Variants in ZNF729 observed in about 807,000 individuals in gnomAD.
The protein encoded by ZNF729 is zinc finger protein 729.
ZNF729 carries 15 observed loss-of-function variants against 12.2 expected under a neutral mutation model. That is an observed-to-expected ratio of 1.23 (90% CI 0.82 to 1.89). The LOEUF is 1.89. Ranked by LOEUF, ZNF729 falls within the 40% of genes most tolerant of loss-of-function variation. The pLI is 0.00. For missense variants in ZNF729, 1,540 were observed against 1,456.7 expected (o/e 1.06, Z -0.93); for synonymous variants, 492 against 476.3 (o/e 1.03, Z -0.43).
chr19:22,290,985 C>T (rs533023125), intron 1 of ZNF729, among the ~76,000 whole-genome samples: 10 of 152,168 alleles, frequency 6.6e-5, no homozygotes, highest in South Asian at 6.2e-4. Flanking sequence ...AGTTTTTAAA[C>T]GGTAGCTCAG....
rs115960950 is a variant in ZNF729 at position 22,292,246 on chromosome 19, C to G, written c.30+5691C>G. 1.5e-3 allele frequency among the ~76,000 whole-genome samples: 232 copies of G among 152,144 alleles called. 1 individual carries two copies. The highest frequency in any genetic ancestry group is 5.3e-3 in the African/African-American group (221 of 41,510). On this transcript the variant is annotated intron_variant, in intron 1 of 3. Coordinates refer to ENST00000601693, the MANE Select transcript of ZNF729 (RefSeq NM_001242680.2). Reference sequence around the variant, plus strand: ...GTGTCTGTTGTTCCCCTCTTTGTGTCCATGTGTTATTATTTAGCTCTTACT... The same window carrying G: ...GTGTCTGTTGTTCCCCTCTTTGTGTGCATGTGTTATTATTTAGCTCTTACT...
rs1354436807 is a variant in ZNF729 at position 22,286,445 on chromosome 19, T to C, written c.-81T>C. On this transcript the variant is annotated 5_prime_UTR_variant, in exon 1 of 4. Coordinates refer to ENST00000601693, the MANE Select transcript of ZNF729 (RefSeq NM_001242680.2). Reference sequence around the variant, plus strand: ...CCGTTGTTTCTGGTTGCAGCCGCAGTTCCCGGTCTCGCCTTCACTGCTGTG... The same window carrying C: ...CCGTTGTTTCTGGTTGCAGCCGCAGCTCCCGGTCTCGCCTTCACTGCTGTG... 1.9e-6 allele frequency: 3 copies of C among 1,567,254 alleles called. No individual in the cohort carries two copies. The highest frequency in any genetic ancestry group is 2.6e-6 in the Non-Finnish European group (3 of 1,152,046).
intron 2 of ZNF729, 150 bp downstream of exon 2, chr19:22,304,034 AAT>A: frequency 1.7e-6 from 1 of 584,956 alleles, no homozygotes; most frequent in Non-Finnish European, 2.4e-6. Flanking sequence ...TGTAGAAAGG[AAT>A]TTTTTTTTTT....
At position 22,286,491 on chromosome 19, in the gene ZNF729, C is replaced by T; in HGVS notation, c.-35C>T. The T allele has an allele frequency of 6.2e-7, 1 of 1,612,750 alleles. No homozygotes were observed. Among genetic ancestry groups the T allele is most frequent in the Non-Finnish European group, 8.5e-7 (1 of 1,179,878 alleles). On this transcript the variant is annotated 5_prime_UTR_variant, in exon 1 of 4. Transcript: ENST00000601693. ...CTGTGTGTCCTCAGCCTCTGTGGCCCTGTAACCTGCGGCATTGGAAGATCC... is the reference window on the plus strand; with the variant it reads ...CTGTGTGTCCTCAGCCTCTGTGGCCTTGTAACCTGCGGCATTGGAAGATCC...
intron 1 of ZNF729, chr19:22,299,805 G>A (rs866788621): frequency 6.6e-6 from 1 of 152,190 alleles, no homozygotes; most frequent in Non-Finnish European, 1.5e-5. Flanking sequence ...ATGTAAAGGT[G>A]CAGTTCTCCC....
Position 22,312,294 on chromosome 19 carries a change from C to T in ZNF729, c.254-1377C>T, listed in dbSNP as rs548554002. On this transcript the variant is annotated intron_variant, in intron 3 of 3. Transcript: ENST00000601693. ...CCTAATATTCTATATACATTGTAAT[C>T]GTTGATTAAAATTTGTACATCAAAA... 5.3e-5 allele frequency among the ~76,000 whole-genome samples: 8 copies of T among 151,920 alleles called. No homozygotes were observed. The South Asian group carries it at 6.2e-4, about 12-fold the overall frequency.
At chr19:22,293,492 C>CTTTTTTTTTTTT (rs1181519048) in intron 1 of ZNF729, among the ~76,000 whole-genome samples, 9 of 50,028 alleles carry the variant, frequency 1.8e-4, no homozygotes, top group African/African-American at 9.5e-4. Flanking sequence ...AGCCTTTTGT[C>CTTTTTTTTTTTT]TATTTTTTTT....
At position 22,315,408 on chromosome 19, in the gene ZNF729, C is replaced by G. The variant is rs768801472; in HGVS notation, c.1991C>G (p.Ala664Gly). The part of the protein sequence containing the change: ...KPYKCEECGK[A>G]FSHFSALRRH... ...TACAAATGTGAAGAATGTGGCAAAG[C>G]TTTTAGCCATTTCTCAGCCCTTAGA... The change falls in exon 4 of 4, where the codon GCT (alanine) becomes GGT (glycine). Residue 664 changes from alanine (A) to glycine (G), a missense_variant. Transcript: ENST00000601693. 1.2e-6 allele frequency: 2 copies of G among 1,613,232 alleles called. No homozygotes were observed. Among genetic ancestry groups the G allele is most frequent in the African/African-American group, 1.3e-5 (1 of 74,918 alleles).
chr19:22,291,583 G>C (rs1568570440), intron 1 of ZNF729, among the ~76,000 whole-genome samples: 1 of 152,036 alleles, frequency 6.6e-6, no homozygotes, highest in Admixed American at 6.6e-5. Context: ...CACCAACCTG[G>C]GGTTCTGGAC....
chr19:22,315,610 G>A lies in ZNF729; in HGVS notation c.2193G>A (p.Lys731=). The A allele has an allele frequency of 1.2e-6, 2 of 1,608,610 alleles. No homozygotes were observed. The highest frequency in any genetic ancestry group is 1.7e-6 in the Non-Finnish European group (2 of 1,178,982). The change falls in exon 4 of 4, where the codon AAG becomes AAA. Residue 731 remains lysine, a synonymous_variant. Coordinates refer to ENST00000601693, the MANE Select transcript of ZNF729 (RefSeq NM_001242680.2). ...FKWSSKLTVH[K]VIHTAEKPCK... ...GGTCATCAAAACTTACTGTACATAA[G>A]GTAATTCATACTGCAGAGAAACCCT... is the stretch of plus-strand genomic sequence containing the variant.
intron 3 of ZNF729, among the ~76,000 whole-genome samples, chr19:22,311,108 G>T (rs1265254939): frequency 6.6e-6 from 1 of 151,886 alleles, no homozygotes; most frequent in Non-Finnish European, 1.5e-5. Flanking sequence ...CTTATGGTCT[G>T]TCAATTGTAT....
rs768352338 is a variant in ZNF729 at position 22,315,597 on chromosome 19, T to G, written c.2180T>G (p.Leu727Arg). The G allele has an allele frequency of 6.2e-7, 1 of 1,608,978 alleles. No individual in the cohort carries two copies. The highest frequency in any genetic ancestry group is 2.2e-5 in the East Asian group (1 of 44,780). ...CGKAFKWSSK[L>R]TVHKVIHTAE... The stretch of plus-strand genomic sequence containing the variant: ...AAAGCTTTTAAGTGGTCATCAAAAC[T>G]TACTGTACATAAGGTAATTCATACT... The change falls in exon 4 of 4, where the codon CTT becomes CGT. Residue 727 changes from leucine (L) to arginine (R), a missense_variant. Physicochemically the swap from Leu to Arg is moderately radical, Grantham distance 102. Transcript: ENST00000601693.
rs912747228 is a variant in ZNF729, at chr19:22,313,926, A to G, written c.509A>G (p.Asn170Ser). The change falls in exon 4 of 4, where the codon AAT (asparagine) becomes AGT (serine). Residue 170 changes from asparagine (N) to serine (S), a missense_variant. Transcript: ENST00000601693. The part of the protein sequence containing the change: ...MKVFHKYSNR[N>S]KVRHTKKKTF... ...GTCTTTCATAAATATTCAAATAGAA[A>G]TAAGGTTAGACACACTAAAAAGAAA... is the stretch of plus-strand genomic sequence containing the variant. 2 of 1,526,336 alleles carry G rather than the reference A, an allele frequency of 1.3e-6. No individual in the cohort carries two copies. The highest frequency in any genetic ancestry group is 1.8e-6 in the Non-Finnish European group (2 of 1,140,278). 94.5% of individuals were successfully genotyped at this position (1,526,336 alleles called of 1,614,324 possible). A position where few individuals can be genotyped will look rare whatever the true frequency, so the allele number is the denominator to read the frequency against.
chr19:22,287,712 G>A (rs1430556709), intron 1 of ZNF729, among the ~76,000 whole-genome samples: 1 of 150,770 alleles, frequency 6.6e-6, no homozygotes, highest in African/African-American at 2.4e-5. Flanking sequence ...GGTATCCCAA[G>A]GAGAGTATTA....
rs1599751866 is a variant in ZNF729, at chr19:22,292,017, C to T, written c.30+5462C>T. ...AAAGTGCTGGGATTACAGGCGTGAG[C>T]CACTGTGCCCAGCCAGCGAGTTTTT... On this transcript the variant is annotated intron_variant, in intron 1 of 3. Transcript: ENST00000601693. Among the ~76,000 whole-genome samples, 4 of 151,974 alleles carry T rather than the reference C, an allele frequency of 2.6e-5. No homozygotes were observed. The East Asian group carries it at 7.7e-4, about 29-fold the overall frequency.
chr19:22,299,120 T>C (rs972177785), intron 1 of ZNF729: 2 of 152,226 alleles, frequency 1.3e-5, no homozygotes, highest in Non-Finnish European at 2.9e-5. Context: ...ATAATGCTCA[T>C]GTTTCTCATG....
Position 22,314,360 on chromosome 19 carries a change from A to C in ZNF729, c.943A>C (p.Thr315Pro). Residue 315 changes from threonine to proline, a missense_variant, in exon 4 of 4, where the codon ACT (threonine) becomes CCT (proline). Coordinates refer to ENST00000601693, the MANE Select transcript of ZNF729 (RefSeq NM_001242680.2). ...SNFNAHKVIH[T>P]AEKPYKCEDC... ...TTTTAATGCACATAAGGTAATTCAT[A>C]CTGCAGAGAAACCCTACAAATGTGA... 6.3e-7 allele frequency: 1 copy of C among 1,587,118 alleles called. No individual in the cohort carries two copies. Among genetic ancestry groups the C allele is most frequent in the East Asian group, 2.2e-5 (1 of 44,542 alleles).
rs750504316 is a variant in ZNF729 at position 22,304,781 on chromosome 19, C to T, written c.251C>T (p.Pro84Leu). Residue 84 changes from proline to leucine, a missense_variant and splice_region_variant, in exon 3 of 4, where the codon CCA becomes CTA. Coordinates refer to ENST00000601693, the MANE Select transcript of ZNF729 (RefSeq NM_001242680.2). ...MKRHEMVTKP[P>L]VMRSHFTQDL... ...AGACATGAGATGGTAACTAAACCCC[C>T]AGGTATGTGAGAGTGAATACAACAG... 9.3e-6 allele frequency: 15 copies of T among 1,612,082 alleles called. No individual in the cohort carries two copies. The Admixed American group carries it at 1.5e-4, about 16-fold the overall frequency.
At chr19:22,304,077 T>G (rs1364009764) in intron 2 of ZNF729, among the ~76,000 whole-genome samples, 193 bp downstream of exon 2, 2 of 151,180 alleles carry the variant, frequency 1.3e-5, no homozygotes, top group Non-Finnish European at 2.9e-5. Flanking sequence ...TCACTCTTGT[T>G]GCCTAGGCTG....
Sources: allele counts gnomAD v4.1 joint callset (sites outside exome capture counted in the v4.1 genomes callset), GRCh38; gene constraint gnomAD v4.1.1; transcripts MANE v1.5; gene names NCBI Gene and HGNC (gene_info 2026-07-23, HGNC 2026-07-21).